MYO16: variants seen among roughly 807,000 people sequenced by gnomAD.
The protein encoded by MYO16 is unconventional myosin-XVI.
In MYO16, 94 loss-of-function variants were observed where a neutral mutation model predicts 205.3. The observed-to-expected ratio is 0.46, with a 90% CI of 0.39 to 0.54. The LOEUF (loss-of-function observed/expected upper bound fraction) is 0.54, where lower values mean the gene tolerates loss of function less well. MYO16 is among the 20% of genes least tolerant of loss of function. MYO16 has a pLI of 0.00. For missense variants in MYO16, 2,315 were observed against 2,387.5 expected (o/e 0.97, Z 0.63); for synonymous variants, 988 against 954.0 (o/e 1.04, Z -0.66).
chr13:109,151,675 G>T (rs1311502159), intron 32 of MYO16, among the ~76,000 whole-genome samples: 1 of 152,138 alleles, frequency 6.6e-6, no homozygotes. Flanking sequence ...GGTACATGAG[G>T]GTGTGTCCCT....
intron 20 of MYO16, among the ~76,000 whole-genome samples, chr13:108,983,247 C>T (rs554534554): frequency 5.9e-5 from 9 of 152,316 alleles, no homozygotes; most frequent in African/African-American, 1.9e-4. Context: ...CTCTTTCTCT[C>T]TCCTGTCTTC....
intron 29 of MYO16, among the ~76,000 whole-genome samples, chr13:109,124,651 T>A (rs761446911): frequency 6.6e-6 from 1 of 152,228 alleles, no homozygotes; most frequent in Non-Finnish European, 1.5e-5. Flanking sequence ...AAATATAGTG[T>A]TAATTTCTCT....
At chr13:109,138,933 C>T (rs1203233081) in intron 31 of MYO16, among the ~76,000 whole-genome samples, 1 of 152,128 alleles carries the variant, frequency 6.6e-6, no homozygotes, top group African/African-American at 2.4e-5. Flanking sequence ...TTCTCCTAAC[C>T]TCAGCCTCCC....
At chr13:109,176,575 G>T (rs1402292518) in intron 33 of MYO16, among the ~76,000 whole-genome samples, 1 of 25,290 alleles carries the variant, frequency 4.0e-5, no homozygotes, top group Non-Finnish European at 5.9e-5. Context: ...ATATTGTGCT[G>T]GTAAAAAAAA....
At chr13:108,943,458 AT>A (rs930472893) in intron 16 of MYO16, among the ~76,000 whole-genome samples, 7 of 151,262 alleles carry the variant, frequency 4.6e-5, no homozygotes, top group South Asian at 2.1e-4. Context: ...TCTTTTTTTT[AT>A]TTTTTTTATT....
At chr13:109,161,633 T>G (rs1386038607) in intron 32 of MYO16, among the ~76,000 whole-genome samples, 1 of 152,214 alleles carries the variant, frequency 6.6e-6, no homozygotes, top group Non-Finnish European at 1.5e-5. Context: ...TTCTTATGCC[T>G]TACGTTAAGA....
At chr13:108,983,734 A>G (rs1389555866) in intron 20 of MYO16, among the ~76,000 whole-genome samples, 1 of 152,184 alleles carries the variant, frequency 6.6e-6, no homozygotes, top group Non-Finnish European at 1.5e-5. Flanking sequence ...AATAGGTTCC[A>G]TGCCTTCCAT....
chr13:108,521,601 C>T, the MYO16 span, among the ~76,000 whole-genome samples: 16 of 152,280 alleles, frequency 1.1e-4, no homozygotes, highest in Non-Finnish European at 1.5e-4. Context: ...ACCTTTTGTG[C>T]AGCTACCTGG....
chr13:109,171,574 C>T (rs554806121), intron 33 of MYO16, among the ~76,000 whole-genome samples: 2 of 152,160 alleles, frequency 1.3e-5, no homozygotes, highest in South Asian at 4.1e-4. Context: ...TTTACTGATG[C>T]GAGCGCAGAC....
intron 2 of MYO16, among the ~76,000 whole-genome samples, chr13:108,699,286 T>G (rs976654917): frequency 6.6e-6 from 1 of 152,006 alleles, no homozygotes; most frequent in Non-Finnish European, 1.5e-5. Flanking sequence ...TTACTCACAT[T>G]TTAATAACTT....
intron 20 of MYO16, among the ~76,000 whole-genome samples, chr13:108,978,226 A>G (rs1448166490): frequency 6.6e-6 from 1 of 152,030 alleles, no homozygotes; most frequent in Non-Finnish European, 1.5e-5. Flanking sequence ...TCTTATGTAA[A>G]TGATCGTAAT....
At chr13:109,021,207 A>G (rs186808079) in intron 23 of MYO16, among the ~76,000 whole-genome samples, 20 of 152,258 alleles carry the variant, frequency 1.3e-4, no homozygotes, top group Admixed American at 6.5e-4. Flanking sequence ...TGAGAAAATA[A>G]TCATTGGGAG....
chr13:108,589,292 A>G, the MYO16 span, among the ~76,000 whole-genome samples: 1 of 152,224 alleles, frequency 6.6e-6, no homozygotes, highest in African/African-American at 2.4e-5. Context: ...TCTAATTATC[A>G]TTGTTAACCT....
At chr13:109,056,993 CTT>C (rs1408125703) in intron 27 of MYO16, among the ~76,000 whole-genome samples, 1 of 152,088 alleles carries the variant, frequency 6.6e-6, no homozygotes, top group East Asian at 1.9e-4. Flanking sequence ...GATTTTGAGA[CTT>C]TTGTTGACTA....
chr13:109,117,302 G>A lies in MYO16; in HGVS notation c.3439-3068G>A, dbSNP rs116039546. Reference sequence around the variant, plus strand: ...CTGAATTCATCCTGCCCACATCCCTGCCACTTGTGCATTTCAAGAATATAT... The same window carrying A: ...CTGAATTCATCCTGCCCACATCCCTACCACTTGTGCATTTCAAGAATATAT... On this transcript the variant is annotated intron_variant, in intron 28 of 34. Coordinates refer to ENST00000457511, the MANE Select transcript of MYO16 (RefSeq NM_001198950.3). 5.5e-3 allele frequency among the ~76,000 whole-genome samples: 830 copies of A among 151,188 alleles called. 10 individuals are homozygous for A. Among genetic ancestry groups the A allele is most frequent in the African/African-American group, 0.019 (789 of 41,212 alleles).
intron 16 of MYO16, among the ~76,000 whole-genome samples, chr13:108,924,940 G>C (rs968119164): frequency 3.9e-5 from 6 of 152,092 alleles, no homozygotes; most frequent in Non-Finnish European, 8.8e-5. Flanking sequence ...AATATATTTT[G>C]GTGGCTAAAA....
chr13:108,976,966 T>C (rs1368801396), intron 20 of MYO16, among the ~76,000 whole-genome samples: 1 of 152,204 alleles, frequency 6.6e-6, no homozygotes, highest in Non-Finnish European at 1.5e-5. Context: ...AAGATTCCTT[T>C]TGTTTTCCTG....
the MYO16 span, among the ~76,000 whole-genome samples, chr13:108,555,875 C>A: frequency 6.6e-6 from 1 of 152,136 alleles, no homozygotes; most frequent in Admixed American, 6.5e-5. Flanking sequence ...TGGTATATTT[C>A]ACTTACCATA....
intron 2 of MYO16, among the ~76,000 whole-genome samples, chr13:108,678,164 A>G (rs565467260): frequency 1.3e-5 from 2 of 152,366 alleles, no homozygotes; most frequent in East Asian, 3.9e-4. Flanking sequence ...TGGACAGAAC[A>G]GAATATATTT....
Sources: allele counts gnomAD v4.1 joint callset (sites outside exome capture counted in the v4.1 genomes callset), GRCh38; gene constraint gnomAD v4.1.1; transcripts MANE v1.5; gene names NCBI Gene and HGNC (gene_info 2026-07-23, HGNC 2026-07-21).